Variants in FMN2 observed in about 807,000 individuals in gnomAD.
The protein encoded by FMN2 is formin-2.
FMN2 carries 51 observed loss-of-function variants against 142.3 expected under a neutral mutation model. That is an observed-to-expected ratio of 0.36 (90% CI 0.29 to 0.45). The LOEUF is 0.45. FMN2 is among the 20% of genes least tolerant of loss of function. The probability of loss-of-function intolerance (pLI) is 1.00; values close to 1 mark genes in which losing one functional copy is unlikely to be tolerated. For synonymous variants in FMN2, 882 were observed against 869.8 expected (o/e 1.01, Z -0.25); for missense variants, 1,936 against 2,122.8 (o/e 0.91, Z 1.73).
At chr1:240,114,950 C>T (rs769547967) in intron 1 of FMN2, among the ~76,000 whole-genome samples, 2 of 152,148 alleles carry the variant, frequency 1.3e-5, no homozygotes, top group African/African-American at 2.4e-5. Flanking sequence ...GCCACCGCGC[C>T]CGGCCAATTC....
chr1:240,372,589 T>C (rs1572242004), intron 14 of FMN2, among the ~76,000 whole-genome samples: 1 of 150,900 alleles, frequency 6.6e-6, no homozygotes, highest in African/African-American at 2.4e-5. Flanking sequence ...TAGAGATTTA[T>C]TGTATGTTAA....
At chr1:240,416,262 CT>C (rs11417639) in intron 15 of FMN2, among the ~76,000 whole-genome samples, 188 of 135,106 alleles carry the variant, frequency 1.4e-3, no homozygotes, top group African/African-American at 4.1e-3. Context: ...CCTTTCCACT[CT>C]TTTTTTTTTT....
At chr1:240,357,756 C>T (rs563462499) in intron 14 of FMN2, among the ~76,000 whole-genome samples, 58 of 152,058 alleles carry the variant, frequency 3.8e-4, no homozygotes, top group Admixed American at 1.1e-3. Context: ...TACAGGCACC[C>T]GCCACCACGC....
At chr1:240,235,877 A>G (rs1307933727) in intron 6 of FMN2, 8 of 152,332 alleles carry the variant, frequency 5.3e-5, no homozygotes, top group African/African-American at 1.9e-4. Flanking sequence ...GCAGAAAAAA[A>G]TCCCACCCAG....
At chr1:240,401,377 C>G (rs929097694) in intron 15 of FMN2, among the ~76,000 whole-genome samples, 33 of 152,114 alleles carry the variant, frequency 2.2e-4, no homozygotes, top group African/African-American at 7.5e-4. Context: ...TGGAGGTACT[C>G]AAAAAGTTGT....
chr1:240,201,428 G>C (rs1572053447), intron 4 of FMN2, among the ~76,000 whole-genome samples: 1 of 152,296 alleles, frequency 6.6e-6, no homozygotes, highest in Admixed American at 6.5e-5. Context: ...TGAGCACCTC[G>C]TGGAGTTAGC....
At chr1:240,267,133 G>A (rs1195031756) in intron 7 of FMN2, among the ~76,000 whole-genome samples, 2 of 151,928 alleles carry the variant, frequency 1.3e-5, no homozygotes, top group Admixed American at 6.6e-5. Flanking sequence ...TGCACAGCAC[G>A]AGAAACTCTC....
intron 15 of FMN2, among the ~76,000 whole-genome samples, chr1:240,415,878 A>G (rs1195199998): frequency 6.6e-6 from 1 of 152,122 alleles, no homozygotes; most frequent in Non-Finnish European, 1.5e-5. Context: ...GAATACAACA[A>G]TGTTAGATAT....
At chr1:240,210,222 G>A (rs912379817) in intron 5 of FMN2, among the ~76,000 whole-genome samples, 2 of 152,126 alleles carry the variant, frequency 1.3e-5, no homozygotes, top group Non-Finnish European at 2.9e-5. Context: ...TGTGATACTT[G>A]GCTGTGGAAT....
chr1:240,194,169 T>G (rs1379884129), intron 4 of FMN2, among the ~76,000 whole-genome samples: 1 of 152,038 alleles, frequency 6.6e-6, no homozygotes, highest in Non-Finnish European at 1.5e-5. Flanking sequence ...TCTAAATTTG[T>G]CTAAACTTGA....
chr1:240,388,044 G>A (rs1673461971), intron 14 of FMN2, among the ~76,000 whole-genome samples: 1 of 151,420 alleles, frequency 6.6e-6, no homozygotes, highest in Non-Finnish European at 1.5e-5. Flanking sequence ...CAGGCGTGGT[G>A]GCGGGTGCCT....
chr1:240,318,407 T>A (rs1572187762), intron 8 of FMN2, among the ~76,000 whole-genome samples: 1 of 152,180 alleles, frequency 6.6e-6, no homozygotes, highest in Non-Finnish European at 1.5e-5. Context: ...CTTTTCTTTT[T>A]CTTTTTCTTT....
At chr1:240,253,508 C>A (rs949139018) in intron 6 of FMN2, among the ~76,000 whole-genome samples, 1 of 151,928 alleles carries the variant, frequency 6.6e-6, no homozygotes, top group Non-Finnish European at 1.5e-5. Flanking sequence ...TTTTTCTAAT[C>A]TCTTTGTATT....
chr1:240,254,504 C>T (rs1332413978), intron 6 of FMN2, among the ~76,000 whole-genome samples: 5 of 151,914 alleles, frequency 3.3e-5, no homozygotes, highest in African/African-American at 9.7e-5. Context: ...CTAGGTGGTA[C>T]GTGTGGGTGC....
chr1:240,131,502 A>C (rs1226929205), intron 2 of FMN2, among the ~76,000 whole-genome samples: 1 of 152,084 alleles, frequency 6.6e-6, no homozygotes, highest in Non-Finnish European at 1.5e-5. Flanking sequence ...TGAGGTCAGG[A>C]GTTCGAGACT....
intron 6 of FMN2, among the ~76,000 whole-genome samples, chr1:240,237,217 G>C (rs1301549612): frequency 6.6e-6 from 1 of 152,188 alleles, no homozygotes; most frequent in African/African-American, 2.4e-5. Flanking sequence ...TTTGATTGCT[G>C]ACTGTCCCTG....
chr1:240,337,213 T>C (rs1014043366), intron 13 of FMN2, among the ~76,000 whole-genome samples: 94 of 142,578 alleles, frequency 6.6e-4, no homozygotes, highest in African/African-American at 2.6e-3. Flanking sequence ...CTTTTTTTTT[T>C]TTTTTTTTTT....
At chr1:240,185,148 C>T (rs925556164) in intron 3 of FMN2, among the ~76,000 whole-genome samples, 5 of 112,342 alleles carry the variant, frequency 4.5e-5, no homozygotes, top group African/African-American at 2.4e-4. Flanking sequence ...CCTATACCTT[C>T]CCCTTCTCTT....
At chr1:240,155,468 G>C (rs1449503994) in intron 2 of FMN2, among the ~76,000 whole-genome samples, 1 of 152,030 alleles carries the variant, frequency 6.6e-6, no homozygotes, top group East Asian at 1.9e-4. Flanking sequence ...ATTTTGTAGA[G>C]ACAGGGTCTA....
Sources: gnomAD v4.1 joint callset for allele counts (sites outside exome capture counted in the v4.1 genomes callset) on GRCh38, gnomAD v4.1.1 for gene constraint, MANE v1.5 for transcripts, NCBI Gene and HGNC (gene_info 2026-07-23, HGNC 2026-07-21) for gene names.